The following TASOR variants were observed in gnomAD, a reference collection of about 807,000 sequenced individuals.
TASOR encodes protein TASOR.
A neutral mutation model predicts 178.6 loss-of-function variants in TASOR; 53 were observed. The observed-to-expected ratio is 0.30, with a 90% CI of 0.24 to 0.37. The LOEUF (loss-of-function observed/expected upper bound fraction) is 0.37, where lower values mean the gene tolerates loss of function less well. TASOR is among the 10% of genes least tolerant of loss of function. The pLI is 1.00. For synonymous variants in TASOR, 713 were observed against 696.2 expected (o/e 1.02, Z -0.38); for missense variants, 1,815 against 1,971.4 (o/e 0.92, Z 1.50).
chr3:56,665,510 C>A (rs1401512384), intron 7 of TASOR, among the ~76,000 whole-genome samples: 2 of 152,038 alleles, frequency 1.3e-5, no homozygotes, highest in Non-Finnish European at 2.9e-5. Context: ...GCACGTACCA[C>A]CACATCCAGC....
chr3:56,655,779 G>T (rs1182769542), intron 11 of TASOR, among the ~76,000 whole-genome samples: 1 of 151,994 alleles, frequency 6.6e-6, no homozygotes, highest in East Asian at 1.9e-4. Context: ...GCAACAGAAT[G>T]AAATCCTGTC....
intron 1 of TASOR, 41 bp downstream of exon 1, chr3:56,682,635 G>A (rs2031908487): frequency 7.1e-7 from 1 of 1,414,560 alleles, no homozygotes; most frequent in South Asian, 1.5e-5. Flanking sequence ...AAAAGATGGA[G>A]GGGAGAGAGA....
intron 23 of TASOR, chr3:56,623,811 C>G: frequency 6.4e-7 from 1 of 1,551,238 alleles, no homozygotes; most frequent in Non-Finnish European, 8.7e-7. Context: ...ATCCCAACTC[C>G]CAGCTCCAAA....
intron 14 of TASOR, among the ~76,000 whole-genome samples, chr3:56,644,615 G>T (rs932392927): frequency 6.6e-6 from 1 of 152,100 alleles, no homozygotes; most frequent in African/African-American, 2.4e-5. Context: ...GCCTTAAAAA[G>T]CAAGTATATA....
chr3:56,682,492 G>A (rs2031887510), intron 1 of TASOR, among the ~76,000 whole-genome samples, 184 bp downstream of exon 1: 1 of 151,716 alleles, frequency 6.6e-6, no homozygotes, highest in South Asian at 2.1e-4. Flanking sequence ...GGGGAGCGTG[G>A]TTCCACCGCT....
Position 56,682,697 on chromosome 3 carries a change from T to A in TASOR, c.310A>T (p.Arg104Trp). ...RPVRRSFQIP[R>W]KSREKKALFQ... ...CCACCTTTCTTTTCTCTGCTCTTCCTGGGGATCTGAAAACTCCTCCTAACA... is the reference window on the plus strand; with the variant it reads ...CCACCTTTCTTTTCTCTGCTCTTCCAGGGGATCTGAAAACTCCTCCTAACA... The change falls in exon 1 of 24, where the codon AGG (arginine) becomes TGG (tryptophan). Residue 104 changes from arginine to tryptophan, a missense_variant. Around this residue, in one of 5 missense-constraint regions of TASOR, gnomAD observed 244 missense variants for 202.7 expected, o/e 1.20. Transcript: ENST00000683822. The A allele has an allele frequency of 6.8e-7, 1 of 1,480,220 alleles. No homozygotes were observed. Among genetic ancestry groups the A allele is most frequent in the East Asian group, 2.5e-5 (1 of 39,902 alleles). 91.7% of individuals were successfully genotyped at this position (1,480,220 alleles called of 1,614,324 possible). A position where few individuals can be genotyped will look rare whatever the true frequency, so the allele number is the denominator to read the frequency against.
chr3:56,671,467 C>T, intron 3 of TASOR, 133 bp downstream of exon 3: 1 of 582,436 alleles, frequency 1.7e-6, no homozygotes, highest in South Asian at 3.0e-5. Context: ...ACATTTTGCC[C>T]CATTAAATCA....
chr3:56,661,516 A>G (rs200279108), intron 9 of TASOR, among the ~76,000 whole-genome samples: 1 of 152,176 alleles, frequency 6.6e-6, no homozygotes, highest in Admixed American at 6.5e-5. Flanking sequence ...TAGCCAGGCA[A>G]TATTTCCAAC....
intron 1 of TASOR, among the ~76,000 whole-genome samples, chr3:56,678,842 C>T (rs2031550067): frequency 6.6e-6 from 1 of 151,658 alleles, no homozygotes; most frequent in Non-Finnish European, 1.5e-5. Flanking sequence ...AAAATCCCAC[C>T]TCTAAGGAGA....
rs1017358961 is a variant in TASOR at position 56,671,629 on chromosome 3, A to G, written c.541T>C (p.Tyr181His). 7 of 1,549,654 alleles carry G rather than the reference A, an allele frequency of 4.5e-6. No individual in the cohort carries two copies. The South Asian group carries it at 7.2e-5, about 16-fold the overall frequency. Residue 181 changes from tyrosine to histidine, a missense_variant, in exon 3 of 24, where the codon TAT becomes CAT. Physicochemically the swap from Tyr to His is moderately conservative, Grantham distance 83. This residue lies in a region of TASOR where 504 missense variants were observed against 645.3 expected (regional missense o/e 0.78). Coordinates refer to ENST00000683822, the MANE Select transcript of TASOR (RefSeq NM_001365635.2). ...TATCGATCAACCATCAGAAATGCAT[A>G]GGATTCTGAAAGTTCCTTATCTAAA... ...GRLDKELSESYAFLMVDRYQV... is the reference protein window; with the variant it reads ...GRLDKELSESHAFLMVDRYQV...
At chr3:56,653,683 T>C (rs1268505438) in intron 11 of TASOR, among the ~76,000 whole-genome samples, 3 of 143,844 alleles carry the variant, frequency 2.1e-5, no homozygotes, top group Non-Finnish European at 4.5e-5. Flanking sequence ...GACCACACAG[T>C]AGATCTTAGT....
intron 1 of TASOR, among the ~76,000 whole-genome samples, chr3:56,678,907 G>T (rs927149037): frequency 6.6e-6 from 1 of 151,824 alleles, no homozygotes; most frequent in Non-Finnish European, 1.5e-5. Context: ...ACTACTGGGG[G>T]AGGCTAAGGA....
rs536997043 is a variant in TASOR, at chr3:56,654,043, G to A, written c.1369-4986C>T. Reference sequence around the variant, plus strand: ...GCACTACGGGAGGCCGAGGCAGGCAGATCACTTGAGCCCAGGAGTTTGAGA... The same window carrying A: ...GCACTACGGGAGGCCGAGGCAGGCAAATCACTTGAGCCCAGGAGTTTGAGA... On this transcript the variant is annotated intron_variant, in intron 11 of 23. Transcript: ENST00000683822. 1.5e-3 allele frequency among the ~76,000 whole-genome samples: 232 copies of A among 152,282 alleles called. 1 individual carries two copies. Among genetic ancestry groups the A allele is most frequent in the African/African-American group, 5.4e-3 (224 of 41,554 alleles).
chr3:56,683,010 G>C lies in TASOR; in HGVS notation c.-4C>G. On this transcript the variant is annotated 5_prime_UTR_variant, in exon 1 of 24. Coordinates refer to ENST00000683822, the MANE Select transcript of TASOR (RefSeq NM_001365635.2). Reference sequence around the variant, plus strand: ...CCGTCTCCACAGCAGTCGCCATCGCGCCGGCCTAAGGAGCTCTGGGAAGCT... The same window carrying C: ...CCGTCTCCACAGCAGTCGCCATCGCCCCGGCCTAAGGAGCTCTGGGAAGCT... 1 of 1,539,106 alleles carries C rather than the reference G, an allele frequency of 6.5e-7. No individual in the cohort carries two copies. The highest frequency in any genetic ancestry group is 8.8e-7 in the Non-Finnish European group (1 of 1,141,204).
chr3:56,662,829 A>T (rs1036289132), intron 8 of TASOR, among the ~76,000 whole-genome samples: 5 of 152,218 alleles, frequency 3.3e-5, no homozygotes, highest in African/African-American at 1.2e-4. Context: ...CTGGTTGATT[A>T]TATGAATGCC....
intron 17 of TASOR, among the ~76,000 whole-genome samples, chr3:56,634,742 A>G (rs773826551): frequency 2.0e-5 from 3 of 152,238 alleles, no homozygotes; most frequent in Non-Finnish European, 4.4e-5. Context: ...TAATGAGATT[A>G]AAACCTTTCA....
chr3:56,671,429 C>T (rs922438848), intron 3 of TASOR, 171 bp downstream of exon 3: 2 of 528,482 alleles, frequency 3.8e-6, no homozygotes, highest in South Asian at 3.1e-5. Flanking sequence ...AAACTGAGTA[C>T]ATTTGAAAAA....
At position 56,621,648 on chromosome 3, in the gene TASOR, T is replaced by C. The variant is rs1397148412; in HGVS notation, c.*1389A>G. On this transcript the variant is annotated 3_prime_UTR_variant, in exon 24 of 24. Transcript: ENST00000683822. The stretch of plus-strand genomic sequence containing the variant: ...AGAAAATCAAATCCTTCACATTTGA[T>C]TTGTGTCTTCCAAATTATAAAATGT... The C allele has an allele frequency of 1.4e-6, 2 of 1,463,510 alleles. No homozygotes were observed. The highest frequency in any genetic ancestry group is 1.9e-6 in the Non-Finnish European group (2 of 1,058,678). The allele number at this position is 1,463,510 out of a possible 1,614,324, so 90.7% of individuals were successfully genotyped here.
chr3:56,628,358 G>T, intron 19 of TASOR, 134 bp downstream of exon 19: 1 of 762,846 alleles, frequency 1.3e-6, no homozygotes, highest in Non-Finnish European at 2.1e-6. Flanking sequence ...AATCTCACAA[G>T]CTGATTCACA....
Sources: gnomAD v4.1 joint callset for allele counts (sites outside exome capture counted in the v4.1 genomes callset) on GRCh38, gnomAD v4.1.1 for gene constraint, gnomAD v4.1.1 regional missense constraint, MANE v1.5 for transcripts, NCBI Gene and HGNC (gene_info 2026-07-23, HGNC 2026-07-21) for gene names.